The following COA1 variants were observed in gnomAD, a reference collection of about 807,000 sequenced individuals.
COA1 encodes cytochrome c oxidase assembly factor 1 homolog.
Under a neutral mutation model 16.0 loss-of-function variants are expected in COA1, and 13 were observed. The ratio of observed to expected loss-of-function variants is 0.81; its 90% confidence interval spans 0.53 to 1.29. The LOEUF is 1.29. Ranked by LOEUF, COA1 falls within the 50% of genes most tolerant of loss-of-function variation. COA1 has a pLI of 0.00. For synonymous variants in COA1, 65 were observed against 65.7 expected, an observed-to-expected ratio of 0.99 and a Z score of 0.05; for missense variants, 179 against 177.0, an observed-to-expected ratio of 1.01 and a Z score of -0.06.
chr7:43,649,481 T>C (rs2090319685), intron 1 of COA1: 1 of 152,382 alleles, frequency 6.6e-6, no homozygotes, highest in African/African-American at 2.4e-5. Context: ...TTTCCTGCTA[T>C]TTTTCCAGAC....
At chr7:43,691,319 A>G (rs1365945295) in intron 1 of COA1, among the ~76,000 whole-genome samples, 1 of 103,586 alleles carries the variant, frequency 9.7e-6, no homozygotes, top group Non-Finnish European at 2.0e-5. Context: ...GAAAGAAAGA[A>G]AGAAAGAAAG....
At chr7:43,662,904 T>C (rs2092579305) in intron 1 of COA1, among the ~76,000 whole-genome samples, 1 of 152,326 alleles carries the variant, frequency 6.6e-6, no homozygotes, top group South Asian at 2.1e-4. Flanking sequence ...TGCTCTGTTA[T>C]TACTATTTTT....
At chr7:43,716,775 C>T (rs1258922132) in intron 1 of COA1, among the ~76,000 whole-genome samples, 1 of 152,116 alleles carries the variant, frequency 6.6e-6, no homozygotes, top group Non-Finnish European at 1.5e-5. Flanking sequence ...GGACGAGAGG[C>T]CCAGGAGGAA....
At chr7:43,659,698 T>C (rs1466402460) in intron 1 of COA1, among the ~76,000 whole-genome samples, 1 of 152,132 alleles carries the variant, frequency 6.6e-6, no homozygotes, top group African/African-American at 2.4e-5. Context: ...AGTCCTCCCT[T>C]TATTCTCACA....
chr7:43,626,144 GGCCATGCCTC>G lies in COA1; in HGVS notation c.*133+13295_*133+13304del, dbSNP rs542812173. The G allele has an allele frequency of 1.8e-3, 271 of 152,238 alleles. 1 individual carries two copies. Among genetic ancestry groups the G allele is most frequent in the African/African-American group, 6.2e-3 (257 of 41,548 alleles). The allele number at this position is 152,238 out of a possible 1,614,324, so 9.4% of individuals were successfully genotyped here. A position where few individuals can be genotyped will look rare whatever the true frequency, so the allele number is the denominator to read the frequency against. ...CTATCACCTGTGTGCTGTGTACCGT[GGCCATGCCTC>G]GCTCTGCACTATGAACAACTCAGAC... On this transcript the variant is annotated intron_variant and NMD_transcript_variant, in intron 6 of 6. Transcript: ENST00000415076.
chr7:43,638,601 G>A, downstream of COA1, among the ~76,000 whole-genome samples: 1 of 102,286 alleles, frequency 9.8e-6, no homozygotes, highest in East Asian at 3.2e-4. Context: ...CTGAGACAGA[G>A]TTTTGCTCTT....
chr7:43,619,545 G>A (rs1462281893), intron 6 of COA1: 1 of 1,585,820 alleles, frequency 6.3e-7, no homozygotes, highest in Non-Finnish European at 8.6e-7. Context: ...TGCATGTTTT[G>A]TGTACTTAAT....
intron 1 of COA1, among the ~76,000 whole-genome samples, chr7:43,688,698 CCATCTTAATGACCTGT>C (rs1173697077): frequency 1.3e-5 from 2 of 152,160 alleles, no homozygotes; most frequent in Non-Finnish European, 2.9e-5. Context: ...GGGGCTCTTT[CCATCTTAATGACCTGT>C]CATTCTCAAA....
chr7:43,616,903 G>A (rs11977501), intron 6 of COA1, among the ~76,000 whole-genome samples: 58,968 of 151,960 alleles, frequency 0.39, 11,657 homozygotes, highest in Admixed American at 0.47. Flanking sequence ...TCTCAAAAAA[G>A]GAGGGACCAT....
At chr7:43,685,024 C>T (rs984766033) in intron 1 of COA1, among the ~76,000 whole-genome samples, 18 of 152,016 alleles carry the variant, frequency 1.2e-4, no homozygotes, top group African/African-American at 4.4e-4. Flanking sequence ...TGGCTCACAC[C>T]TGTAATGCCA....
intron 1 of COA1, chr7:43,650,323 CTTAT>C (rs1350880908): frequency 6.6e-6 from 1 of 151,962 alleles, no homozygotes; most frequent in Non-Finnish European, 1.5e-5. Context: ...TAGGATGGGT[CTTAT>C]TTATTTACTT....
At chr7:43,613,844 A>G (rs2083095062) in intron 6 of COA1, among the ~76,000 whole-genome samples, 2 of 152,182 alleles carry the variant, frequency 1.3e-5, no homozygotes, top group African/African-American at 4.8e-5. Flanking sequence ...TCCTGTCTCA[A>G]AAACTTTTTT....
intron 1 of COA1, among the ~76,000 whole-genome samples, chr7:43,699,017 C>A (rs1162251138): frequency 2.6e-5 from 4 of 152,150 alleles, no homozygotes; most frequent in African/African-American, 7.2e-5. Flanking sequence ...TTTCTCAGTA[C>A]TTTATTTTAG....
intron 1 of COA1, among the ~76,000 whole-genome samples, chr7:43,652,052 T>C (rs1291039350): frequency 2.6e-5 from 4 of 152,098 alleles, no homozygotes; most frequent in African/African-American, 7.2e-5. Flanking sequence ...TAAAATAGAA[T>C]TGACAGCGGA....
chr7:43,649,097 A>C (rs192512447), intron 1 of COA1: 1 of 156,440 alleles, frequency 6.4e-6, no homozygotes, highest in Non-Finnish European at 1.4e-5. Context: ...GACTTTAACA[A>C]TATTGATAAT....
At chr7:43,721,539 T>A (rs1403486989) in intron 1 of COA1, among the ~76,000 whole-genome samples, 1 of 152,122 alleles carries the variant, frequency 6.6e-6, no homozygotes, top group Non-Finnish European at 1.5e-5. Flanking sequence ...TTAGATTAAA[T>A]CCCTAATAAA....
downstream of COA1, among the ~76,000 whole-genome samples, chr7:43,638,122 C>G (rs1017920779): frequency 6.6e-6 from 1 of 152,114 alleles, no homozygotes; most frequent in Non-Finnish European, 1.5e-5. Context: ...ACTGTATAAT[C>G]TACTCAAAGA....
At chr7:43,660,680 C>A (rs2092332818) in intron 1 of COA1, among the ~76,000 whole-genome samples, 1 of 152,078 alleles carries the variant, frequency 6.6e-6, no homozygotes, top group Non-Finnish European at 1.5e-5. Flanking sequence ...ATCAGGCCCC[C>A]TCAAACCCAT....
At chr7:43,724,554 G>GC (rs1563497672) in intron 1 of COA1, among the ~76,000 whole-genome samples, 1 of 126,490 alleles carries the variant, frequency 7.9e-6, no homozygotes, top group Admixed American at 7.7e-5. Flanking sequence ...CCATCTCAAA[G>GC]AAAAAAAAAA....
Sources: allele counts gnomAD v4.1 joint callset (sites outside exome capture counted in the v4.1 genomes callset), GRCh38; gene constraint gnomAD v4.1.1; transcripts MANE v1.5; gene names NCBI Gene and HGNC (gene_info 2026-07-23, HGNC 2026-07-21).